The following MED27 variants were observed in gnomAD, a reference collection of about 807,000 sequenced individuals.
MED27 encodes the protein mediator of RNA polymerase II transcription subunit 27.
Under a neutral mutation model 38.2 loss-of-function variants are expected in MED27, and 30 were observed. The observed-to-expected ratio is 0.79, with a 90% CI of 0.59 to 1.07. The LOEUF is 1.07. Ranked by LOEUF, MED27 falls within the 50% of genes least tolerant of loss-of-function variation. MED27 has a pLI of 0.00. For synonymous variants in MED27, 122 were observed against 153.5 expected (o/e 0.79, Z 1.52); for missense variants, 289 against 397.5 (o/e 0.73, Z 2.32).
chr9:131,971,712 G>A (rs371525835), intron 3 of MED27, among the ~76,000 whole-genome samples: 4 of 152,218 alleles, frequency 2.6e-5, no homozygotes, highest in East Asian at 3.9e-4. Flanking sequence ...GACTGGGAGT[G>A]GGGGGCGGGG....
chr9:131,942,883 T>C (rs186117214), intron 3 of MED27, among the ~76,000 whole-genome samples: 1 of 152,316 alleles, frequency 6.6e-6, no homozygotes, highest in African/African-American at 2.4e-5. Flanking sequence ...TTCCTGGCCA[T>C]TTTTGATTCC....
At chr9:131,950,644 C>T (rs1032480144) in intron 3 of MED27, among the ~76,000 whole-genome samples, 11 of 152,182 alleles carry the variant, frequency 7.2e-5, no homozygotes, top group African/African-American at 2.7e-4. Flanking sequence ...AGCAAATGCA[C>T]ACTCAGAGTC....
At chr9:132,032,853 C>T (rs4145637) in intron 2 of MED27, among the ~76,000 whole-genome samples, 18,509 of 151,414 alleles carry the variant, frequency 0.12, 1,265 homozygotes, top group East Asian at 0.27. Flanking sequence ...CCTAGTCCCG[C>T]GCTCCACACT....
At position 132,038,382 on chromosome 9, in the gene MED27, C is replaced by T. The variant is rs375728521; in HGVS notation, c.349-23915G>A. 4.6e-3 allele frequency among the ~76,000 whole-genome samples: 697 copies of T among 151,518 alleles called. 4 individuals are homozygous for T. The highest frequency in any genetic ancestry group is 0.016 in the African/African-American group (680 of 41,266). On this transcript the variant is annotated intron_variant, in intron 2 of 7. Transcript: ENST00000292035. ...AATTTTTTTGTATTTTTAGTAGAGA[C>T]GGGGTTTCACCGTTTTAGCCGGGAT...
At chr9:131,927,651 T>G (rs1314491128) in intron 4 of MED27, among the ~76,000 whole-genome samples, 1 of 151,958 alleles carries the variant, frequency 6.6e-6, no homozygotes, top group Non-Finnish European at 1.5e-5. Context: ...GGCTAGGAGG[T>G]GACTACTCCT....
Position 131,908,318 on chromosome 9 carries a change from C to T in MED27, c.574-14326G>A, listed in dbSNP as rs1165290778. ...GAGGTGAGGGGCGCCTCTGCCCGGC[C>T]GCCCATACTGGGAAATGAGGAGCCC... On this transcript the variant is annotated intron_variant, in intron 4 of 7. Coordinates refer to ENST00000292035, the MANE Select transcript of MED27 (RefSeq NM_004269.4). 5.9e-5 allele frequency among the ~76,000 whole-genome samples: 9 copies of T among 152,040 alleles called. No homozygotes were observed. The East Asian group carries it at 7.8e-4, about 13-fold the overall frequency.
intron 3 of MED27, among the ~76,000 whole-genome samples, chr9:131,945,034 T>C (rs532710922): frequency 8.7e-5 from 13 of 149,632 alleles, no homozygotes; most frequent in Admixed American, 2.7e-4. Context: ...TTCTGAATGG[T>C]TAACTTTCAT....
chr9:132,047,299 G>A (rs891810890), intron 2 of MED27, among the ~76,000 whole-genome samples: 3 of 152,038 alleles, frequency 2.0e-5, no homozygotes. Context: ...ATAAGAGATC[G>A]ATAACCACGA....
chr9:131,869,218 C>T, intron 6 of MED27: 1 of 985,440 alleles, frequency 1.0e-6, no homozygotes, highest in Non-Finnish European at 1.2e-6. Context: ...AAGTCCTCCA[C>T]TGCTGGTTTT....
chr9:132,038,069 CT>C (rs918740186), intron 2 of MED27, among the ~76,000 whole-genome samples: 80 of 145,982 alleles, frequency 5.5e-4, no homozygotes, highest in East Asian at 7.9e-4. Flanking sequence ...TGCTATTCTA[CT>C]TTTTTTTTTT....
At chr9:132,006,657 AAAC>A (rs923312374) in intron 3 of MED27, among the ~76,000 whole-genome samples, 4 of 152,112 alleles carry the variant, frequency 2.6e-5, no homozygotes, top group Non-Finnish European at 5.9e-5. Flanking sequence ...GGAAAAAAAA[AAAC>A]AACAACCTTA....
chr9:131,891,945 A>T (rs1314371222), intron 5 of MED27, among the ~76,000 whole-genome samples: 1 of 152,158 alleles, frequency 6.6e-6, no homozygotes, highest in Non-Finnish European at 1.5e-5. Flanking sequence ...GATGAAGGGA[A>T]GAAAGCTTTA....
At chr9:131,935,046 G>T (rs1830657411) in intron 4 of MED27, among the ~76,000 whole-genome samples, 1 of 152,114 alleles carries the variant, frequency 6.6e-6, no homozygotes, top group Admixed American at 6.5e-5. Context: ...AATAAGGATG[G>T]TTACCAGCGG....
chr9:131,941,817 A>AATTT (rs1830790529), intron 3 of MED27, among the ~76,000 whole-genome samples: 1 of 82,514 alleles, frequency 1.2e-5, no homozygotes, highest in African/African-American at 5.2e-5. Context: ...ATTCTGCTGA[A>AATTT]TTTTTTTTTT....
At chr9:131,884,856 C>A (rs1285851200) in intron 5 of MED27, among the ~76,000 whole-genome samples, 2 of 152,118 alleles carry the variant, frequency 1.3e-5, no homozygotes, top group South Asian at 2.1e-4. Flanking sequence ...GATCTGCCCC[C>A]CTTGGACTCC....
rs964327317 is a variant in MED27 at position 131,997,697 on chromosome 9, G to C, written c.479+16640C>G. Among the ~76,000 whole-genome samples, 4 of 152,156 alleles carry C rather than the reference G, an allele frequency of 2.6e-5. No individual in the cohort carries two copies. The highest frequency in any genetic ancestry group is 9.7e-5 in the African/African-American group (4 of 41,418). ...TACAGCTGAGACATACAGATTCCGG[G>C]TTCTCTGTGCCCAGGTTTGAATTCC... On this transcript the variant is annotated intron_variant, in intron 3 of 7. Coordinates refer to ENST00000292035, the MANE Select transcript of MED27 (RefSeq NM_004269.4). The surrounding 1 kb of genome is among the most constrained non-coding windows in gnomAD (Gnocchi z 4.0).
intron 3 of MED27, among the ~76,000 whole-genome samples, chr9:131,972,437 A>C (rs1017557277): frequency 1.3e-5 from 2 of 152,240 alleles, no homozygotes; most frequent in African/African-American, 4.8e-5. Context: ...ATCCTAAGGC[A>C]GTAGACAGCA....
intron 3 of MED27, among the ~76,000 whole-genome samples, chr9:131,977,852 A>G (rs1427902462): frequency 2.0e-5 from 3 of 152,222 alleles, no homozygotes; most frequent in Non-Finnish European, 4.4e-5. Context: ...CCTGTCCTGT[A>G]AAAGTTATAC....
intron 3 of MED27, among the ~76,000 whole-genome samples, chr9:131,978,398 A>G (rs1458093849): frequency 2.0e-5 from 3 of 152,250 alleles, no homozygotes; most frequent in Non-Finnish European, 4.4e-5. Context: ...TGAAACAACC[A>G]GAAATTTATA....
Sources: gnomAD v4.1 joint callset for allele counts (sites outside exome capture counted in the v4.1 genomes callset) on GRCh38, gnomAD v4.1.1 for gene constraint, Gnocchi (gnomAD v3.1) non-coding constraint, MANE v1.5 for transcripts, NCBI Gene and HGNC (gene_info 2026-07-23, HGNC 2026-07-21) for gene names.